The following RNF150 variants were observed in gnomAD, a reference collection of about 807,000 sequenced individuals.
RNF150 encodes the protein ring finger protein 150.
RNF150 carries 24 observed loss-of-function variants against 39.3 expected under a neutral mutation model. That is an observed-to-expected ratio of 0.61 (90% CI 0.44 to 0.86). The LOEUF (loss-of-function observed/expected upper bound fraction) is 0.86. Ranked by LOEUF, RNF150 falls within the 40% of genes least tolerant of loss-of-function variation. The probability of loss-of-function intolerance (pLI) is 0.00; values close to 1 mark genes in which losing one functional copy is unlikely to be tolerated. For missense variants in RNF150, 502 were observed against 587.8 expected, an observed-to-expected ratio of 0.85 and a Z score of 1.51; for synonymous variants, 255 against 227.3, an observed-to-expected ratio of 1.12 and a Z score of -1.10.
chr4:140,945,581 ATAC>A (rs1308048729), intron 4 of RNF150, among the ~76,000 whole-genome samples: 1 of 148,196 alleles, frequency 6.7e-6, no homozygotes, highest in Non-Finnish European at 1.5e-5. Flanking sequence ...ATACATATAT[ATAC>A]TACATATATA....
chr4:141,046,640 C>A (rs1374492853), intron 1 of RNF150, among the ~76,000 whole-genome samples: 1 of 152,122 alleles, frequency 6.6e-6, no homozygotes. Flanking sequence ...GTACCCATGA[C>A]CATTTGTTTT....
At chr4:140,883,520 A>C (rs1376053812) in intron 6 of RNF150, among the ~76,000 whole-genome samples, 1 of 151,926 alleles carries the variant, frequency 6.6e-6, no homozygotes, top group Non-Finnish European at 1.5e-5. Context: ...TTTCCCCTTC[A>C]GTTTTGAGGA....
chr4:141,115,186 G>T (rs1042089118), intron 1 of RNF150, among the ~76,000 whole-genome samples: 5 of 152,164 alleles, frequency 3.3e-5, no homozygotes, highest in African/African-American at 1.2e-4. Flanking sequence ...CAAACAGGAA[G>T]AGAGGAAGTC....
At chr4:141,181,962 A>G (rs1162523381) in intron 1 of RNF150, among the ~76,000 whole-genome samples, 2 of 152,132 alleles carry the variant, frequency 1.3e-5, no homozygotes, top group African/African-American at 4.8e-5. Flanking sequence ...ATCAGTTCCA[A>G]CCTAAGGAGA....
intron 1 of RNF150, among the ~76,000 whole-genome samples, chr4:141,026,792 A>G (rs889449050): frequency 2.0e-5 from 3 of 152,206 alleles, no homozygotes; most frequent in Non-Finnish European, 2.9e-5. Flanking sequence ...ATAGGGAAAA[A>G]TCAAAGGAAA....
chr4:141,024,321 T>G (rs373208582), intron 1 of RNF150, among the ~76,000 whole-genome samples: 1 of 152,146 alleles, frequency 6.6e-6, no homozygotes, highest in Admixed American at 6.6e-5. Context: ...AAGAAGAGAT[T>G]TAAAAATCTC....
chr4:140,954,023 T>C (rs1388086875), intron 2 of RNF150, among the ~76,000 whole-genome samples: 1 of 152,180 alleles, frequency 6.6e-6, no homozygotes, highest in African/African-American at 2.4e-5. Context: ...CAAAACAGAC[T>C]CTTTCCTTTG....
intron 1 of RNF150, among the ~76,000 whole-genome samples, chr4:140,971,710 T>C (rs1733471996): frequency 6.6e-6 from 1 of 152,108 alleles, no homozygotes; most frequent in Non-Finnish European, 1.5e-5. Flanking sequence ...AGGATCTAAT[T>C]TGGTATATGC....
chr4:140,915,481 C>G (rs1032499374), intron 5 of RNF150, among the ~76,000 whole-genome samples: 9 of 152,128 alleles, frequency 5.9e-5, no homozygotes, highest in African/African-American at 2.2e-4. Flanking sequence ...CTTTGTCATT[C>G]CCTAGGAGAA....
chr4:140,947,839 C>A, intron 3 of RNF150, 103 bp from the exon 4 acceptor site: 1 of 699,320 alleles, frequency 1.4e-6, no homozygotes, highest in South Asian at 2.1e-5. Flanking sequence ...CAAAGCTTTC[C>A]GCTGTGCTGG....
At chr4:141,072,194 A>G (rs1737732033) in intron 1 of RNF150, among the ~76,000 whole-genome samples, 1 of 152,214 alleles carries the variant, frequency 6.6e-6, no homozygotes, top group African/African-American at 2.4e-5. Flanking sequence ...CATCACAAGA[A>G]CTATTGCAAC....
intron 1 of RNF150, among the ~76,000 whole-genome samples, chr4:140,993,337 C>T (rs1055940139): frequency 1.1e-4 from 16 of 152,272 alleles, no homozygotes; most frequent in African/African-American, 2.2e-4. Flanking sequence ...CTCTGTGACC[C>T]TCATGCTTCC....
intron 1 of RNF150, among the ~76,000 whole-genome samples, chr4:141,040,558 G>A (rs1456204927): frequency 1.3e-5 from 2 of 152,080 alleles, no homozygotes; most frequent in Admixed American, 6.6e-5. Context: ...TAAGTAGGGT[G>A]ATCAAATAAC....
chr4:141,022,563 A>C (rs902251307), intron 1 of RNF150, among the ~76,000 whole-genome samples: 2 of 152,206 alleles, frequency 1.3e-5, no homozygotes, highest in Non-Finnish European at 2.9e-5. Flanking sequence ...TCAGTGACCA[A>C]GCAAGTTAAA....
At chr4:140,932,816 G>T (rs1731704459) in intron 4 of RNF150, among the ~76,000 whole-genome samples, 1 of 152,220 alleles carries the variant, frequency 6.6e-6, no homozygotes, top group African/African-American at 2.4e-5. Context: ...AGAAATGACA[G>T]ATTTCACTTC....
intron 1 of RNF150, among the ~76,000 whole-genome samples, chr4:141,093,579 G>A (rs1738673742): frequency 6.6e-6 from 1 of 152,198 alleles, no homozygotes; most frequent in African/African-American, 2.4e-5. Flanking sequence ...CGGGACTTAA[G>A]TTGACCCTCT....
chr4:141,124,483 C>G (rs1467407272), intron 1 of RNF150, among the ~76,000 whole-genome samples: 2 of 152,228 alleles, frequency 1.3e-5, no homozygotes, highest in African/African-American at 4.8e-5. Context: ...ATGCATCTTC[C>G]TGATAAATGA....
intron 1 of RNF150, among the ~76,000 whole-genome samples, chr4:141,198,577 A>C (rs563566294): frequency 6.6e-6 from 1 of 152,382 alleles, no homozygotes; most frequent in Admixed American, 6.5e-5. Context: ...GATGATGACA[A>C]GAGCGAAAAA....
chr4:141,164,908 A>T (rs1727574373), intron 1 of RNF150, among the ~76,000 whole-genome samples: 1 of 152,262 alleles, frequency 6.6e-6, no homozygotes, highest in Non-Finnish European at 1.5e-5. Flanking sequence ...TAAAATAACC[A>T]GCTAACATCA....
Sources: gnomAD v4.1 joint callset for allele counts (sites outside exome capture counted in the v4.1 genomes callset) on GRCh38, gnomAD v4.1.1 for gene constraint, MANE v1.5 for transcripts, NCBI Gene and HGNC (gene_info 2026-07-23, HGNC 2026-07-21) for gene names.